GARS1: variants seen among roughly 807,000 people sequenced by gnomAD.
GARS1 encodes glycine--tRNA ligase.
Under a neutral mutation model 86.4 loss-of-function variants are expected in GARS1, and 46 were observed. The ratio of observed to expected loss-of-function variants is 0.53; its 90% CI spans 0.42 to 0.68. The LOEUF (loss-of-function observed/expected upper bound fraction) is 0.68. GARS1 is among the 30% of genes least tolerant of loss of function. GARS1 has a pLI of 0.00. For synonymous variants in GARS1, 342 were observed against 329.8 expected (o/e 1.04, Z -0.40); for missense variants, 797 against 915.6 (o/e 0.87, Z 1.67).
chr7:30,619,656 TTTG>T (rs1159867732), intron 10 of GARS1, among the ~76,000 whole-genome samples: 5 of 152,152 alleles, frequency 3.3e-5, no homozygotes, highest in Non-Finnish European at 7.4e-5. Flanking sequence ...TTTAATTCCT[TTTG>T]TTGTTGTTTT....
chr7:30,630,598 A>G (rs1783216547), intron 14 of GARS1, among the ~76,000 whole-genome samples: 1 of 150,696 alleles, frequency 6.6e-6, no homozygotes, highest in African/African-American at 2.4e-5. Flanking sequence ...ACAGCCTCAA[A>G]CTTCTGGGCT....
intron 6 of GARS1, among the ~76,000 whole-genome samples, chr7:30,606,965 A>G (rs1045215440): frequency 6.6e-5 from 10 of 152,252 alleles, no homozygotes; most frequent in Non-Finnish European, 1.5e-4. Flanking sequence ...TCTCAGCAAC[A>G]AAACATAATG....
Position 30,633,956 on chromosome 7 carries a change from C to T in GARS1, c.*96C>T, listed in dbSNP as rs1783289315. Reference sequence around the variant, plus strand: ...ACAAAAGAAAACAGCATTGTGATTACTCCCAGGGACCGTATTTTATCTTCA... The same window carrying T: ...ACAAAAGAAAACAGCATTGTGATTATTCCCAGGGACCGTATTTTATCTTCA... On this transcript the variant is annotated 3_prime_UTR_variant, in exon 17 of 17. Coordinates refer to ENST00000389266, the MANE Select transcript of GARS1 (RefSeq NM_002047.4). 12 of 1,441,080 alleles carry T rather than the reference C, an allele frequency of 8.3e-6. No individual in the cohort carries two copies. The highest frequency in any genetic ancestry group is 7.1e-5 in the East Asian group (3 of 42,542). 89.3% of individuals were successfully genotyped at this position (1,441,080 alleles called of 1,614,324 possible).
intron 3 of GARS1, 115 bp from the exon 4 acceptor site, chr7:30,600,944 A>C: frequency 1.0e-6 from 1 of 953,170 alleles, no homozygotes; most frequent in Non-Finnish European, 1.7e-6. Flanking sequence ...AGGGATTTGC[A>C]TTGTTGACTT....
chr7:30,623,088 G>C (rs1783050662), intron 12 of GARS1, among the ~76,000 whole-genome samples: 1 of 140,300 alleles, frequency 7.1e-6, no homozygotes, highest in Non-Finnish European at 1.5e-5. Flanking sequence ...GCAACAGAGT[G>C]AGACTCCGTC....
chr7:30,615,994 C>T lies in GARS1; in HGVS notation c.1130C>T (p.Ser377Leu). ...NVADLHLYLY[S>L]AKAQVSGQSA... The stretch of plus-strand genomic sequence containing the variant: ...GCAGACCTTCACCTTTATTTGTATT[C>T]AGCAAAAGCCCAGGTCAGCGGACAG... Residue 377 changes from serine (S) to leucine (L), a missense_variant, in exon 9 of 17, where the codon TCA becomes TTA. Ser to Leu is a moderately radical substitution (Grantham distance 145). Coordinates refer to ENST00000389266, the MANE Select transcript of GARS1 (RefSeq NM_002047.4). 6.2e-7 allele frequency: 1 copy of T among 1,614,182 alleles called. No homozygotes were observed.
intron 4 of GARS1, among the ~76,000 whole-genome samples, chr7:30,602,274 A>G (rs1392239246): frequency 1.3e-5 from 2 of 149,208 alleles, no homozygotes. Context: ...TATTTTTAGT[A>G]GAGACGGGGT....
At chr7:30,621,277 A>G in intron 10 of GARS1, 116 bp from the exon 11 acceptor site, 1 of 865,348 alleles carries the variant, frequency 1.2e-6, no homozygotes, top group South Asian at 1.4e-5. Context: ...AATGAAGATT[A>G]TATCATCGAA....
At chr7:30,598,221 T>A (rs1791297391) in intron 1 of GARS1, among the ~76,000 whole-genome samples, 1 of 152,124 alleles carries the variant, frequency 6.6e-6, no homozygotes, top group Non-Finnish European at 1.5e-5. Flanking sequence ...TTTTGTCTCC[T>A]CCTTTTTCAC....
At chr7:30,597,014 C>T (rs1295654135) in intron 1 of GARS1, among the ~76,000 whole-genome samples, 1 of 152,168 alleles carries the variant, frequency 6.6e-6, no homozygotes, top group Non-Finnish European at 1.5e-5. Flanking sequence ...GAGTTTGTCA[C>T]TTTAAGAAAA....
intron 1 of GARS1, among the ~76,000 whole-genome samples, chr7:30,597,956 A>G (rs1484124428): frequency 2.6e-5 from 4 of 152,244 alleles, no homozygotes; most frequent in African/African-American, 9.6e-5. Context: ...ATATGGAATT[A>G]GTATAAGTTG....
chr7:30,609,547 C>A (rs1193496693), intron 6 of GARS1, 38 bp from the exon 7 acceptor site: 9 of 1,574,382 alleles, frequency 5.7e-6, no homozygotes, highest in Non-Finnish European at 7.9e-6. Context: ...GCCTTGTTTT[C>A]TCTGTCTTTT....
intron 10 of GARS1, among the ~76,000 whole-genome samples, chr7:30,621,142 C>T (rs1438459438): frequency 1.3e-5 from 2 of 150,962 alleles, no homozygotes; most frequent in African/African-American, 2.4e-5. Flanking sequence ...TCCACCTCAG[C>T]GTCCCAAGTA....
intron 14 of GARS1, among the ~76,000 whole-genome samples, chr7:30,629,497 G>A (rs1376251009): frequency 6.6e-6 from 1 of 152,176 alleles, no homozygotes; most frequent in African/African-American, 2.4e-5. Context: ...CTAGAAAGGA[G>A]AGGTTGTATA....
In GARS1 at chr7:30,612,089, T is replaced by G; in HGVS notation, c.882-7T>G. The G allele has an allele frequency of 6.2e-7, 1 of 1,612,210 alleles. No individual in the cohort carries two copies. Among genetic ancestry groups the G allele is most frequent in the Non-Finnish European group, 8.5e-7 (1 of 1,178,228 alleles). ...TTTGTAACAGACTGACTTACTTAAA[T>G]TTATAGGTACTTGAGACCAGAAACT... On this transcript the variant is annotated splice_polypyrimidine_tract_variant and splice_region_variant and intron_variant, in intron 7 of 16. Transcript: ENST00000389266.
chr7:30,614,491 A>G (rs6945035), intron 8 of GARS1, among the ~76,000 whole-genome samples: 29,458 of 152,224 alleles, frequency 0.19, 3,647 homozygotes, highest in African/African-American at 0.35. Flanking sequence ...TTATATGGGC[A>G]CAGAAGATGT....
chr7:30,609,048 A>G (rs1413228113), intron 6 of GARS1, among the ~76,000 whole-genome samples: 5 of 152,220 alleles, frequency 3.3e-5, no homozygotes, highest in Non-Finnish European at 7.4e-5. Flanking sequence ...TAGAATGTGC[A>G]ATACACTGGA....
Position 30,594,927 on chromosome 7 carries a change from C to T in GARS1, c.6C>T (p.Pro2=), listed in dbSNP as rs746437033. 3 of 1,587,748 alleles carry T rather than the reference C, an allele frequency of 1.9e-6. No individual in the cohort carries two copies. Among genetic ancestry groups the T allele is most frequent in the Non-Finnish European group, 2.6e-6 (3 of 1,174,438 alleles). Residue 2 remains proline (P), a synonymous_variant, in exon 1 of 17, where the codon CCC becomes CCT. Transcript: ENST00000389266. M[P]SPRPVLLRGA... ...CAGCCCAGGGCCGCAGGCTCATGCC[C>T]TCTCCGCGTCCAGTGCTGCTTAGAG...
chr7:30,628,532 T>C, intron 13 of GARS1, 28 bp from the exon 14 acceptor site: 4 of 1,451,884 alleles, frequency 2.8e-6, no homozygotes, highest in Non-Finnish European at 3.9e-6. Flanking sequence ...TTTGAGAGAA[T>C]GTTATTGAAT....
Sources: gnomAD v4.1 joint callset for allele counts (sites outside exome capture counted in the v4.1 genomes callset) on GRCh38, gnomAD v4.1.1 for gene constraint, MANE v1.5 for transcripts, NCBI Gene and HGNC (gene_info 2026-07-23, HGNC 2026-07-21) for gene names.